The following MTA3 variants were observed in gnomAD, a reference collection of about 807,000 sequenced individuals.
The protein encoded by MTA3 is metastasis-associated protein MTA3.
In MTA3, 34 loss-of-function variants were observed where a neutral mutation model predicts 83.5. That is an observed-to-expected ratio of 0.41 (90% CI 0.31 to 0.54). The LOEUF (loss-of-function observed/expected upper bound fraction) is 0.54. Ranked by LOEUF, MTA3 falls within the 20% of genes least tolerant of loss-of-function variation. The pLI is 0.33. For synonymous variants in MTA3, 303 were observed against 252.7 expected, an observed-to-expected ratio of 1.20 and a Z score of -1.89; for missense variants, 761 against 726.4, an observed-to-expected ratio of 1.05 and a Z score of -0.55.
intron 11 of MTA3, among the ~76,000 whole-genome samples, chr2:42,701,137 T>A (rs865826054): frequency 1.2e-4 from 18 of 151,696 alleles, no homozygotes; most frequent in African/African-American, 4.1e-4. Flanking sequence ...AATACATTTT[T>A]ATAATTATCT....
At chr2:42,694,324 G>C (rs1025207595) in intron 9 of MTA3, among the ~76,000 whole-genome samples, 6 of 152,110 alleles carry the variant, frequency 3.9e-5, no homozygotes, top group Non-Finnish European at 8.8e-5. Flanking sequence ...AGCACTAGGA[G>C]TTGTTTAGGA....
In MTA3 at chr2:42,711,775, A is replaced by AGTGTGTGTGTGTGTGTGT. The variant is rs372997456; in HGVS notation, c.1525+2680_1525+2681insTGTGTGTGTGTGTGTGTG. On this transcript the variant is annotated intron_variant, in intron 14 of 16. Coordinates refer to ENST00000405094, the MANE Select transcript of MTA3 (RefSeq NM_001330442.2). ...GTGATCTACTGGGAGTGTATAGGAGAGAGAGAGAGTGTGTGTGTGTGTGTG... is the reference window on the plus strand; with the variant it reads ...GTGATCTACTGGGAGTGTATAGGAGAGTGTGTGTGTGTGTGTGTGAGAGAGAGTGTGTGTGTGTGTGTG... 1.1e-3 allele frequency among the ~76,000 whole-genome samples: 159 copies of AGTGTGTGTGTGTGTGTGT among 139,474 alleles called. 1 individual carries two copies. Among genetic ancestry groups the AGTGTGTGTGTGTGTGTGT allele is most frequent in the African/African-American group, 4.1e-3 (145 of 35,470 alleles). 91.5% of individuals were successfully genotyped at this position (139,474 alleles called of 152,430 possible).
Position 42,570,458 on chromosome 2 carries a change from C to T in MTA3, c.50C>T (p.Ser17Phe). 1 of 1,545,048 alleles carries T rather than the reference C, an allele frequency of 6.5e-7. No individual in the cohort carries two copies. The highest frequency in any genetic ancestry group is 2.4e-5 in the East Asian group (1 of 42,440). ...ACAGATTATGTCTACTTTGAGAATT[C>T]CTCCAGCAACCCATACCTAATAAGA... ...RVGDYVYFEN[S>F]SSNPYLIRRI... Residue 17 changes from serine to phenylalanine, a missense_variant, in exon 2 of 17, where the codon TCC becomes TTC. Coordinates refer to ENST00000405094, the MANE Select transcript of MTA3 (RefSeq NM_001330442.2).
intron 2 of MTA3, among the ~76,000 whole-genome samples, chr2:42,548,237 G>T (rs569869640): frequency 3.9e-5 from 6 of 152,110 alleles, no homozygotes; most frequent in Non-Finnish European, 5.9e-5. Context: ...GGCTGAGAGG[G>T]GCAGATTGCT....
At chr2:42,721,465 C>G (rs1334621616) in intron 15 of MTA3, among the ~76,000 whole-genome samples, 2 of 151,786 alleles carry the variant, frequency 1.3e-5, no homozygotes, top group African/African-American at 4.8e-5. Context: ...ATGGCTGGGA[C>G]TACAGGTGTG....
intron 2 of MTA3, among the ~76,000 whole-genome samples, chr2:42,503,015 C>T (rs966315344): frequency 6.6e-6 from 1 of 151,722 alleles, no homozygotes; most frequent in Non-Finnish European, 1.5e-5. Context: ...GGGTCCTGAT[C>T]CAGACCCCAA....
intron 4 of MTA3, among the ~76,000 whole-genome samples, chr2:42,621,798 C>G (rs1460627994): frequency 6.6e-6 from 1 of 151,280 alleles, no homozygotes; most frequent in Non-Finnish European, 1.5e-5. Flanking sequence ...GGCAGAGACG[C>G]TCCTCACCTC....
At chr2:42,594,707 T>TATATATATATAAATATAC (rs1681499370) in intron 3 of MTA3, among the ~76,000 whole-genome samples, 1 of 31,986 alleles carries the variant, frequency 3.1e-5, no homozygotes, top group Non-Finnish European at 5.0e-5. Flanking sequence ...TAAATATACA[T>TATATATATATAAATATAC]ATATATATAT....
At chr2:42,519,889 A>G (rs1199275357) in intron 2 of MTA3, among the ~76,000 whole-genome samples, 2 of 152,144 alleles carry the variant, frequency 1.3e-5, no homozygotes, top group Non-Finnish European at 2.9e-5. Flanking sequence ...TCTCACGTAA[A>G]CAATTTGCCA....
At chr2:42,528,627 C>A (rs1485080855) in intron 2 of MTA3, among the ~76,000 whole-genome samples, 1 of 152,202 alleles carries the variant, frequency 6.6e-6, no homozygotes, top group Non-Finnish European at 1.5e-5. Flanking sequence ...TCATTTGAAT[C>A]TTGGCTTTAC....
intron 2 of MTA3, among the ~76,000 whole-genome samples, chr2:42,554,129 G>A (rs535392003): frequency 2.0e-4 from 30 of 152,008 alleles, no homozygotes; most frequent in African/African-American, 7.2e-4. Context: ...AGCTACTCGG[G>A]AAGCTGAGGT....
intron 3 of MTA3, among the ~76,000 whole-genome samples, chr2:42,602,609 A>G (rs1013886720): frequency 6.6e-5 from 10 of 152,078 alleles, no homozygotes; most frequent in African/African-American, 1.9e-4. Context: ...TTAATGCTTC[A>G]TTTGGGTAAT....
chr2:42,496,334 G>T (rs796381097), intron 2 of MTA3, among the ~76,000 whole-genome samples: 2 of 152,094 alleles, frequency 1.3e-5, no homozygotes, highest in Non-Finnish European at 1.5e-5. Flanking sequence ...TGCTGCAGCA[G>T]CAATACCCAA....
In MTA3 at chr2:42,626,307, A is replaced by T. The variant is rs976672851; in HGVS notation, c.318-13866A>T. On this transcript the variant is annotated intron_variant, in intron 4 of 16. Transcript: ENST00000405094. ...TGAACAGGAGCTCCATTTTTTTAAA[A>T]TTTTTTTTGATTCGGAGTCTCACTC... Among the ~76,000 whole-genome samples, 8 of 132,796 alleles carry T rather than the reference A, an allele frequency of 6.0e-5. No individual in the cohort carries two copies. In the East Asian group the frequency reaches 1.6e-3, roughly 27 times the overall value. The allele number at this position is 132,796 out of a possible 152,430, so 87.1% of individuals were successfully genotyped here. A position where few individuals can be genotyped will look rare whatever the true frequency, so the allele number is the denominator to read the frequency against.
intron 8 of MTA3, among the ~76,000 whole-genome samples, chr2:42,662,233 T>G (rs1200301406): frequency 3.3e-5 from 5 of 152,118 alleles, no homozygotes; most frequent in Non-Finnish European, 7.4e-5. Context: ...CGTTTTTCTT[T>G]TGCTGTGTTA....
At chr2:42,641,208 G>T (rs909876170) in intron 5 of MTA3, among the ~76,000 whole-genome samples, 73 of 131,722 alleles carry the variant, frequency 5.5e-4, no homozygotes, top group Middle Eastern at 3.8e-3. Flanking sequence ...TGCCTGGCCG[G>T]TTTTTTTTTT....
At chr2:42,588,004 A>C (rs1448951570) in intron 3 of MTA3, among the ~76,000 whole-genome samples, 1 of 152,162 alleles carries the variant, frequency 6.6e-6, no homozygotes, top group East Asian at 1.9e-4. Context: ...TTCTGAGTTC[A>C]TAAGGCTCAG....
At chr2:42,512,253 C>G (rs1218319677) in intron 2 of MTA3, among the ~76,000 whole-genome samples, 1 of 151,736 alleles carries the variant, frequency 6.6e-6, no homozygotes, top group South Asian at 2.1e-4. Context: ...AAGCCTGTCT[C>G]AGGCCTGAGT....
intron 8 of MTA3, among the ~76,000 whole-genome samples, chr2:42,665,403 GA>G (rs1690145774): frequency 6.6e-6 from 1 of 152,064 alleles, no homozygotes; most frequent in East Asian, 1.9e-4. Context: ...AAAAAAGAAA[GA>G]AAGAAAAAGT....
Sources: gnomAD v4.1 joint callset for allele counts (sites outside exome capture counted in the v4.1 genomes callset) on GRCh38, gnomAD v4.1.1 for gene constraint, MANE v1.5 for transcripts, NCBI Gene and HGNC (gene_info 2026-07-23, HGNC 2026-07-21) for gene names.